The following METTL16 variants were observed in gnomAD, a reference collection of about 807,000 sequenced individuals.
The protein encoded by METTL16 is methyltransferase 16, RNA N6-adenosine.
Under a neutral mutation model 57.9 loss-of-function variants are expected in METTL16, and 19 were observed. The ratio of observed to expected loss-of-function variants is 0.33; its 90% CI spans 0.23 to 0.48. The LOEUF is 0.48. Ranked by LOEUF, METTL16 falls within the 20% of genes least tolerant of loss-of-function variation. METTL16 has a pLI of 0.99. For missense variants in METTL16, 434 were observed against 691.5 expected, an observed-to-expected ratio of 0.63 and a Z score of 4.18; for synonymous variants, 246 against 255.6, an observed-to-expected ratio of 0.96 and a Z score of 0.36.
chr17:2,428,624 C>G (rs1236021008), intron 8 of METTL16, among the ~76,000 whole-genome samples: 1 of 125,646 alleles, frequency 8.0e-6, no homozygotes. Flanking sequence ...CAGCGGGGCA[C>G]AGTGGCTCAC....
At chr17:2,498,240 C>T (rs915677672) in intron 2 of METTL16, among the ~76,000 whole-genome samples, 2 of 149,022 alleles carry the variant, frequency 1.3e-5, no homozygotes, top group African/African-American at 2.5e-5. Context: ...AGTGAAACCC[C>T]GTCTCTACTA....
chr17:2,457,337 C>CAAAAA (rs57968051), intron 6 of METTL16, among the ~76,000 whole-genome samples: 1 of 42,610 alleles, frequency 2.3e-5, no homozygotes, highest in Non-Finnish European at 4.9e-5. Context: ...GACTCCGTCT[C>CAAAAA]AAAAAAAAAA....
chr17:2,457,623 G>C (rs1260772615), intron 6 of METTL16, among the ~76,000 whole-genome samples: 1 of 150,514 alleles, frequency 6.6e-6, no homozygotes, highest in Non-Finnish European at 1.5e-5. Context: ...CAGGAGAATT[G>C]CTTAAACCTA....
rs59854056 is a variant in METTL16 at position 2,417,058 on chromosome 17, C to CTTTTTTTTTTTTTTTTTTTTTTTTTTTTT, written c.*2911_*2912insAAAAAAAAAAAAAAAAAAAAAAAAAAAAA. ...TGAAAGCTGGCCTGCTCATGGGTTC[C>CTTTTTTTTTTTTTTTTTTTTTTTTTTTTT]TTTTTTTTTTTTTTTTTTTTTTTTT... On this transcript the variant is annotated 3_prime_UTR_variant, in exon 10 of 10. Transcript: ENST00000263092. The CTTTTTTTTTTTTTTTTTTTTTTTTTTTTT allele has an allele frequency of 1.1e-4, 7 of 61,528 alleles. 2 individuals carry two copies. The highest frequency in any genetic ancestry group is 1.6e-3 in the East Asian group (2 of 1,274). The allele number at this position is 61,528 out of a possible 1,614,324, so 3.8% of individuals were successfully genotyped here.
At chr17:2,502,967 A>G (rs1347879107) in intron 1 of METTL16, among the ~76,000 whole-genome samples, 1 of 152,208 alleles carries the variant, frequency 6.6e-6, no homozygotes, top group African/African-American at 2.4e-5. Flanking sequence ...CAAGGATGTG[A>G]AGAAATTGGA....
intron 8 of METTL16, among the ~76,000 whole-genome samples, chr17:2,423,487 T>G (rs2066783995): frequency 6.6e-6 from 1 of 152,202 alleles, no homozygotes; most frequent in African/African-American, 2.4e-5. Flanking sequence ...CCTAACGCTT[T>G]GCAGTAAGGA....
intron 4 of METTL16, 120 bp from the exon 5 acceptor site, chr17:2,467,996 A>G (rs758198746): frequency 1.3e-5 from 9 of 672,686 alleles, no homozygotes; most frequent in Non-Finnish European, 2.1e-5. Flanking sequence ...CCGTAAGATT[A>G]TAACACCACA....
At chr17:2,425,348 T>A (rs983864126) in intron 8 of METTL16, among the ~76,000 whole-genome samples, 2 of 152,214 alleles carry the variant, frequency 1.3e-5, no homozygotes, top group African/African-American at 4.8e-5. Context: ...TTCAACATTT[T>A]AAAGTCTACC....
At chr17:2,497,814 C>A (rs933589187) in intron 2 of METTL16, among the ~76,000 whole-genome samples, 2 of 151,258 alleles carry the variant, frequency 1.3e-5, no homozygotes, top group Admixed American at 6.6e-5. Flanking sequence ...GCAGCCTTGA[C>A]CCCCTGGGCT....
chr17:2,421,523 T>G (rs551109290), intron 8 of METTL16, among the ~76,000 whole-genome samples: 8 of 152,322 alleles, frequency 5.3e-5, no homozygotes, highest in African/African-American at 1.9e-4. Flanking sequence ...CGCACCGCAC[T>G]GCCTTTGTTC....
chr17:2,447,649 T>G (rs1162168042), intron 6 of METTL16, among the ~76,000 whole-genome samples: 1 of 101,000 alleles, frequency 9.9e-6, no homozygotes. Context: ...CGGCCGCCCC[T>G]ACTGGGAAGT....
At position 2,463,544 on chromosome 17, in the gene METTL16, C is replaced by G. The variant is rs148141264; in HGVS notation, c.728+664G>C. 5.3e-5 allele frequency among the ~76,000 whole-genome samples: 8 copies of G among 152,184 alleles called. No individual in the cohort carries two copies. In the East Asian group the frequency reaches 1.4e-3, roughly 26 times the overall value. ...TGGCATGATCTCGGCTCACTGCAAC[C>G]TCTGCCTCCTGGGTTCAAGCGATTC... On this transcript the variant is annotated intron_variant, in intron 6 of 9. Transcript: ENST00000263092.
intron 6 of METTL16, among the ~76,000 whole-genome samples, chr17:2,447,684 C>T (rs1597448186): frequency 7.1e-6 from 1 of 140,134 alleles, no homozygotes; most frequent in African/African-American, 2.8e-5. Context: ...CCCGGCCAGC[C>T]GCCCCGTCCG....
rs1024735110 is a variant in METTL16 at position 2,416,416 on chromosome 17, G to C, written c.*3554C>G. 1 of 152,186 alleles carries C rather than the reference G, an allele frequency of 6.6e-6. No homozygotes were observed. Among genetic ancestry groups the C allele is most frequent in the Non-Finnish European group, 1.5e-5 (1 of 68,040 alleles). 9.4% of individuals were successfully genotyped at this position (152,186 alleles called of 1,614,324 possible). A position where few individuals can be genotyped will look rare whatever the true frequency, so the allele number is the denominator to read the frequency against. On this transcript the variant is annotated 3_prime_UTR_variant, in exon 10 of 10. Transcript: ENST00000263092. ...TTCGAGTGCTCACATGGTAAGCTTT[G>C]ATTTCCATCGAGAGGAAAGGCTTTA...
At chr17:2,488,466 A>G (rs1392561774) in intron 2 of METTL16, among the ~76,000 whole-genome samples, 1 of 152,096 alleles carries the variant, frequency 6.6e-6, no homozygotes, top group Non-Finnish European at 1.5e-5. Flanking sequence ...CTGAGGCAGG[A>G]GAATCGCTTC....
intron 6 of METTL16, among the ~76,000 whole-genome samples, chr17:2,456,094 A>G (rs2151559192): frequency 6.6e-6 from 1 of 152,226 alleles, no homozygotes; most frequent in East Asian, 1.9e-4. Flanking sequence ...TCAAAATAGC[A>G]GCATCTACCC....
intron 6 of METTL16, among the ~76,000 whole-genome samples, chr17:2,458,604 A>G (rs1289585623): frequency 6.6e-6 from 1 of 151,940 alleles, no homozygotes; most frequent in Non-Finnish European, 1.5e-5. Flanking sequence ...CCCAGCAACT[A>G]GGGAGGCTGA....
chr17:2,423,615 T>G (rs977119409), intron 8 of METTL16, among the ~76,000 whole-genome samples: 5 of 152,056 alleles, frequency 3.3e-5, no homozygotes, highest in Non-Finnish European at 5.9e-5. Context: ...GCCATGACCA[T>G]GGAGAGCTCA....
intron 2 of METTL16, among the ~76,000 whole-genome samples, chr17:2,498,655 T>C (rs2067464348): frequency 6.6e-6 from 1 of 150,798 alleles, no homozygotes. Context: ...AGGAGAATCG[T>C]TTGAACCCAG....
Sources: gnomAD v4.1 joint callset for allele counts (sites outside exome capture counted in the v4.1 genomes callset) on GRCh38, gnomAD v4.1.1 for gene constraint, MANE v1.5 for transcripts, NCBI Gene and HGNC (gene_info 2026-07-23, HGNC 2026-07-21) for gene names.